ACOT1: variants seen among roughly 807,000 people sequenced by gnomAD.
The protein encoded by ACOT1 is acyl-CoA thioesterase 1.
A neutral mutation model predicts 15.7 loss-of-function variants in ACOT1; 8 were observed. The observed-to-expected ratio is 0.51, with a 90% CI of 0.30 to 0.92. The LOEUF is 0.92. Among genes scored for constraint, ACOT1 ranks in the 40% least tolerant of loss-of-function variants. The pLI, the probability that ACOT1 is intolerant of heterozygous loss-of-function variation, is 0.06. For missense variants in ACOT1, 151 were observed against 539.4 expected (o/e 0.28, Z 7.13); for synonymous variants, 67 against 241.2 (o/e 0.28, Z 6.69).
At chr14:73,502,589 C>T in the ACOT1 span, among the ~76,000 whole-genome samples, 1 of 151,932 alleles carries the variant, frequency 6.6e-6, no homozygotes, top group South Asian at 2.1e-4. Context: ...TGCTCTGTTG[C>T]CAGGCTGGAG....
At chr14:73,506,804 G>GTTTTTTTTTTTTTTTTTTT in the ACOT1 span, among the ~76,000 whole-genome samples, 188 of 80,478 alleles carry the variant, frequency 2.3e-3, 31 homozygotes, top group East Asian at 9.8e-3. Context: ...GACTTTAACT[G>GTTTTTTTTTTTTTTTTTTT]TTTTTTTTTT....
the ACOT1 span, among the ~76,000 whole-genome samples, chr14:73,528,348 C>T: frequency 3.5e-5 from 5 of 142,022 alleles, no homozygotes; most frequent in Middle Eastern, 3.9e-3. Flanking sequence ...GCCAAGATCG[C>T]GCCACTGGAC....
upstream of ACOT1, among the ~76,000 whole-genome samples, chr14:73,533,881 TAAA>T (rs59844752): frequency 4.0e-4 from 15 of 37,964 alleles, no homozygotes; most frequent in Non-Finnish European, 6.0e-4. Flanking sequence ...ACCCTGTCTC[TAAA>T]AAAAAAAAAA....
chr14:73,491,248 C>A, the ACOT1 span: 1 of 1,583,116 alleles, frequency 6.3e-7, no homozygotes, highest in East Asian at 2.3e-5. Flanking sequence ...ACCTGGGGGA[C>A]GCGCTACCCG....
At chr14:73,505,679 C>T in the ACOT1 span, among the ~76,000 whole-genome samples, 1 of 152,098 alleles carries the variant, frequency 6.6e-6, no homozygotes, top group Admixed American at 6.6e-5. Flanking sequence ...AGGTGTGAGC[C>T]ACCGTGCCCG....
At chr14:73,491,173 G>T in the ACOT1 span, 1 of 1,601,890 alleles carries the variant, frequency 6.2e-7, no homozygotes, top group Non-Finnish European at 8.5e-7. Context: ...GCATGGCAGC[G>T]CTGAGGACGC....
At chr14:73,523,402 G>A in the ACOT1 span, among the ~76,000 whole-genome samples, 1 of 152,178 alleles carries the variant, frequency 6.6e-6, no homozygotes, top group Non-Finnish European at 1.5e-5. Flanking sequence ...TCATGTATCA[G>A]ACCCGTGTTT....
At chr14:73,514,564 G>A in the ACOT1 span, among the ~76,000 whole-genome samples, 8 of 152,252 alleles carry the variant, frequency 5.3e-5, no homozygotes, top group Middle Eastern at 3.4e-3. Context: ...TATATGTAAC[G>A]AGATTTGCTC....
At chr14:73,509,471 T>C in the ACOT1 span, 80 of 1,613,836 alleles carry the variant, frequency 5.0e-5, no homozygotes, top group Non-Finnish European at 6.0e-5. Context: ...TGGATGGTCT[T>C]GTCTGTGATC....
In ACOT1 at chr14:73,542,274, A is replaced by G. The variant is rs573237899; in HGVS notation, c.660+579A>G. On this transcript the variant is annotated intron_variant, in intron 2 of 2. Transcript: ENST00000311148. ...CGGCCTCCCAGAGTGCTGGAATTAC[A>G]GGCATGAGCCACCACACCTGGCCTC... Among the ~76,000 whole-genome samples, 9 of 109,936 alleles carry G rather than the reference A, an allele frequency of 8.2e-5. 4 individuals are homozygous for G. In the South Asian group the frequency reaches 2.0e-3, roughly 25 times the overall value. 72.1% of individuals were successfully genotyped at this position (109,936 alleles called of 152,430 possible). A position where few individuals can be genotyped will look rare whatever the true frequency, so the allele number is the denominator to read the frequency against.
chr14:73,501,293 T>A, the ACOT1 span, among the ~76,000 whole-genome samples: 1 of 151,760 alleles, frequency 6.6e-6, no homozygotes, highest in East Asian at 1.9e-4. Context: ...TAATTTTGTT[T>A]TTCTTGTATT....
chr14:73,540,988 C>T (rs1161116028), intron 1 of ACOT1, among the ~76,000 whole-genome samples: 6 of 115,700 alleles, frequency 5.2e-5, no homozygotes, highest in African/African-American at 1.4e-4. Context: ...GTGATCCACC[C>T]GTCTCAGCCT....
chr14:73,490,988 C>T, the ACOT1 span: 1 of 1,334,384 alleles, frequency 7.5e-7, no homozygotes, highest in Admixed American at 3.6e-5. Context: ...CCCCGGCCGG[C>T]CGGGCGGGGA....
upstream of ACOT1, among the ~76,000 whole-genome samples, chr14:73,535,464 TC>T (rs1566848256): frequency 2.3e-5 from 1 of 44,004 alleles, no homozygotes. Flanking sequence ...TTCTTTTTCT[TC>T]TTTCTTTTTT....
At chr14:73,512,116 A>G in the ACOT1 span, 4 of 1,614,208 alleles carry the variant, frequency 2.5e-6, no homozygotes, top group Non-Finnish European at 3.4e-6. Context: ...GCTCTGAAGC[A>G]GGTTCTCTAC....
chr14:73,516,824 G>A, the ACOT1 span, among the ~76,000 whole-genome samples: 8 of 152,154 alleles, frequency 5.3e-5, no homozygotes, highest in African/African-American at 7.2e-5. Context: ...TCTAGGCTGC[G>A]CACCCTTTAT....
chr14:73,491,063 C>G, the ACOT1 span: 5 of 1,593,210 alleles, frequency 3.1e-6, no homozygotes, highest in Admixed American at 3.5e-5. Flanking sequence ...GCGCGGGCGG[C>G]CGAAGCGCCG....
the ACOT1 span, chr14:73,519,004 C>T: frequency 6.2e-7 from 1 of 1,604,846 alleles, no homozygotes; most frequent in Non-Finnish European, 8.5e-7. Context: ...CCTGCCTTCC[C>T]TGTTAGCTTC....
chr14:73,500,211 CAG>C, the ACOT1 span, among the ~76,000 whole-genome samples: 1 of 151,412 alleles, frequency 6.6e-6, no homozygotes, highest in Non-Finnish European at 1.5e-5. Context: ...GCTTGGGTCA[CAG>C]AGCGAGACTC....
Sources: gnomAD v4.1 joint callset for allele counts (sites outside exome capture counted in the v4.1 genomes callset) on GRCh38, gnomAD v4.1.1 for gene constraint, MANE v1.5 for transcripts, NCBI Gene and HGNC (gene_info 2026-07-23, HGNC 2026-07-21) for gene names.